Variants in GRAMD2B observed in about 807,000 individuals in gnomAD.
GRAMD2B encodes the protein GRAM domain containing 2B.
GRAMD2B carries 41 observed loss-of-function variants against 59.2 expected under a neutral mutation model. The ratio of observed to expected loss-of-function variants is 0.69; its 90% CI spans 0.54 to 0.90. The LOEUF (loss-of-function observed/expected upper bound fraction) is 0.90. GRAMD2B is among the 40% of genes least tolerant of loss of function. GRAMD2B has a pLI of 0.00. For synonymous variants in GRAMD2B, 161 were observed against 182.7 expected, an observed-to-expected ratio of 0.88 and a Z score of 0.96; for missense variants, 424 against 500.5, an observed-to-expected ratio of 0.85 and a Z score of 1.46.
chr5:126,362,774 T>C (rs1561449727), intron 1 of GRAMD2B, among the ~76,000 whole-genome samples: 1 of 152,182 alleles, frequency 6.6e-6, no homozygotes, highest in East Asian at 1.9e-4. Flanking sequence ...GCCAGGACAA[T>C]ATTCTAAAGA....
At chr5:126,380,816 T>A (rs1247981065) in intron 1 of GRAMD2B, among the ~76,000 whole-genome samples, 3 of 152,302 alleles carry the variant, frequency 2.0e-5, no homozygotes, top group Non-Finnish European at 2.9e-5. Context: ...TTTTTAGGGT[T>A]TTCTAGGTAT....
intron 1 of GRAMD2B, among the ~76,000 whole-genome samples, chr5:126,365,050 A>G (rs1754378017): frequency 6.6e-6 from 1 of 152,232 alleles, no homozygotes; most frequent in Admixed American, 6.5e-5. Context: ...AGAGTAAAAC[A>G]TAATTTTGAT....
intron 2 of GRAMD2B, among the ~76,000 whole-genome samples, chr5:126,467,267 C>A (rs1768627943): frequency 6.6e-6 from 1 of 151,908 alleles, no homozygotes; most frequent in Non-Finnish European, 1.5e-5. Flanking sequence ...GAGACTTTGT[C>A]TCTATATAAA....
At position 126,472,219 on chromosome 5, in the gene GRAMD2B, T is replaced by C. The variant is rs61486463; in HGVS notation, c.316-19T>C. On this transcript the variant is annotated intron_variant, in intron 3 of 13. Coordinates refer to ENST00000285689, the MANE Select transcript of GRAMD2B (RefSeq NM_023927.4). Reference sequence around the variant, plus strand: ...AAGAAAGTGAGAATGGTGATGCTTGTATTTTGTTCTCATTGTAGTACAAGG... The same window carrying C: ...AAGAAAGTGAGAATGGTGATGCTTGCATTTTGTTCTCATTGTAGTACAAGG... The C allele has an allele frequency of 0.033, 52,424 of 1,592,988 alleles. 1,123 individuals carry two copies. The highest frequency in any genetic ancestry group is 0.098 in the African/African-American group (7,293 of 74,494).
At chr5:126,417,199 C>CCTAT (rs1336557511) in intron 1 of GRAMD2B, among the ~76,000 whole-genome samples, 2 of 152,162 alleles carry the variant, frequency 1.3e-5, no homozygotes, top group Admixed American at 1.3e-4. Context: ...CTGGACTAGC[C>CCTAT]CTATGGCTTA....
intron 1 of GRAMD2B, among the ~76,000 whole-genome samples, chr5:126,409,390 T>C (rs961337110): frequency 1.3e-5 from 2 of 152,234 alleles, no homozygotes; most frequent in African/African-American, 4.8e-5. Flanking sequence ...CTAACTAGTA[T>C]GAGATGGTAT....
At chr5:126,401,576 T>C (rs1757845936) in intron 1 of GRAMD2B, among the ~76,000 whole-genome samples, 1 of 152,020 alleles carries the variant, frequency 6.6e-6, no homozygotes, top group Non-Finnish European at 1.5e-5. Flanking sequence ...GCTCCTCCAG[T>C]CTTTACTGAC....
chr5:126,381,131 T>C (rs1001216378), intron 1 of GRAMD2B, among the ~76,000 whole-genome samples: 2 of 152,188 alleles, frequency 1.3e-5, no homozygotes, highest in Admixed American at 1.3e-4. Flanking sequence ...TTTTGTCAAA[T>C]GCTTTTTCTG....
At chr5:126,389,710 G>A (rs1341111500) in intron 1 of GRAMD2B, among the ~76,000 whole-genome samples, 2 of 152,192 alleles carry the variant, frequency 1.3e-5, no homozygotes, top group Non-Finnish European at 2.9e-5. Flanking sequence ...CACTTTGGGA[G>A]GCTGAGGTGG....
At chr5:126,391,656 A>T (rs1756798397) in intron 1 of GRAMD2B, among the ~76,000 whole-genome samples, 1 of 152,238 alleles carries the variant, frequency 6.6e-6, no homozygotes, top group Admixed American at 6.5e-5. Flanking sequence ...AAATGAAAGA[A>T]GCTAGTCATA....
In GRAMD2B at chr5:126,423,423, C is replaced by G; in HGVS notation, c.-184C>G. On this transcript the variant is annotated 5_prime_UTR_variant, in exon 1 of 14. Coordinates refer to ENST00000285689, the MANE Select transcript of GRAMD2B (RefSeq NM_023927.4). ...TGGGTCGGACCAATCGCGCCCGCTC[C>G]GACGTGTCCAGGTCCGCGGCCCCGG... 7.2e-7 allele frequency: 1 copy of G among 1,382,958 alleles called. No individual in the cohort carries two copies. Among genetic ancestry groups the G allele is most frequent in the Non-Finnish European group, 9.3e-7 (1 of 1,073,072 alleles). 85.7% of individuals were successfully genotyped at this position (1,382,958 alleles called of 1,614,324 possible).
At chr5:126,471,397 A>G (rs566414332) in intron 3 of GRAMD2B, among the ~76,000 whole-genome samples, 9 of 152,344 alleles carry the variant, frequency 5.9e-5, no homozygotes, top group South Asian at 2.1e-4. Context: ...CTTAATAGCT[A>G]TATGATGCAG....
At chr5:126,466,471 G>C (rs1768438803) in intron 2 of GRAMD2B, 2 of 650,666 alleles carry the variant, frequency 3.1e-6, no homozygotes, top group African/African-American at 3.6e-5. Context: ...TGTCATCCAG[G>C]CTGGAGTGCA....
intron 1 of GRAMD2B, among the ~76,000 whole-genome samples, chr5:126,438,242 GAAAAGT>G (rs1054634801): frequency 2.6e-5 from 4 of 152,196 alleles, no homozygotes; most frequent in Non-Finnish European, 4.4e-5. Context: ...CGAAGTCAAT[GAAAAGT>G]TTTGTTTTTT....
Position 126,393,205 on chromosome 5 carries a change from A to T in GRAMD2B, c.125+21638A>T, listed in dbSNP as rs1056145071. On this transcript the variant is annotated intron_variant, in intron 1 of 8. Transcript: ENST00000506445. ...CACTTTCCCCTTTTCCATCACGACC[A>T]TCTCCCCAATTATAAACTGACTAAT... Among the ~76,000 whole-genome samples the T allele has an allele frequency of 2.0e-5, 3 of 151,916 alleles. No homozygotes were observed. In the East Asian group the frequency reaches 5.8e-4, roughly 29 times the overall value.
intron 10 of GRAMD2B, among the ~76,000 whole-genome samples, chr5:126,484,752 T>G (rs1051659949): frequency 6.6e-6 from 1 of 152,030 alleles, no homozygotes; most frequent in African/African-American, 2.4e-5. Flanking sequence ...CCTAGCTAAT[T>G]TTTGTATTTT....
At chr5:126,399,420 G>A (rs1006049237) in intron 1 of GRAMD2B, among the ~76,000 whole-genome samples, 1 of 152,118 alleles carries the variant, frequency 6.6e-6, no homozygotes, top group South Asian at 2.1e-4. Context: ...TTGGATCATG[G>A]AGGCAGTTTC....
At chr5:126,485,406 A>G (rs1021590523) in intron 10 of GRAMD2B, among the ~76,000 whole-genome samples, 7 of 152,218 alleles carry the variant, frequency 4.6e-5, no homozygotes, top group Admixed American at 6.5e-5. Context: ...TCTAATAACT[A>G]GCTATACTGG....
chr5:126,482,172 G>A (rs1270405460), intron 8 of GRAMD2B, among the ~76,000 whole-genome samples: 3 of 152,172 alleles, frequency 2.0e-5, no homozygotes, highest in Non-Finnish European at 4.4e-5. Context: ...AGAATGGGGT[G>A]AGGGAGAAAT....
Sources: allele counts gnomAD v4.1 joint callset (sites outside exome capture counted in the v4.1 genomes callset), GRCh38; gene constraint gnomAD v4.1.1; transcripts MANE v1.5; gene names NCBI Gene and HGNC (gene_info 2026-07-23, HGNC 2026-07-21).